The following MMP9 variants were observed in gnomAD, a reference collection of about 807,000 sequenced individuals.
The protein encoded by MMP9 is matrix metallopeptidase 9.
MMP9 carries 73 observed loss-of-function variants against 76.4 expected under a neutral mutation model. The observed-to-expected ratio is 0.96, with a 90% CI of 0.79 to 1.16. The LOEUF is 1.16. Ranked by LOEUF, MMP9 falls within the 50% of genes most tolerant of loss-of-function variation. The probability of loss-of-function intolerance (pLI) is 0.00; values close to 1 mark genes in which losing one functional copy is unlikely to be tolerated. For missense variants in MMP9, 943 were observed against 973.0 expected, an observed-to-expected ratio of 0.97 and a Z score of 0.41; for synonymous variants, 412 against 408.4, an observed-to-expected ratio of 1.01 and a Z score of -0.11.
At chr20:46,009,310 G>T (rs1373814435) in intron 1 of MMP9, among the ~76,000 whole-genome samples, 2 of 152,060 alleles carry the variant, frequency 1.3e-5, no homozygotes, top group African/African-American at 4.8e-5. Context: ...GGGTGGGGGA[G>T]GCATTGGAGG....
chr20:46,016,306 T>A lies in MMP9; in HGVS notation c.2062T>A (p.Leu688Met). ...CTGGCGCGTGAGTTCCCGGAGTGAG[T>A]TGAACCAGGTGGACCAAGTGGGCTA... Reference protein sequence around the residue: ...FYWRVSSRSELNQVDQVGYVT... With the variant: ...FYWRVSSRSEMNQVDQVGYVT... The change falls in exon 13 of 13, where the codon TTG (leucine) becomes ATG (methionine). Residue 688 changes from leucine to methionine, a missense_variant. Leu to Met is a conservative substitution (Grantham distance 15, BLOSUM62 2). Coordinates refer to ENST00000372330, the MANE Select transcript of MMP9 (RefSeq NM_004994.3). The A allele has an allele frequency of 6.2e-7, 1 of 1,614,180 alleles. No homozygotes were observed. Among genetic ancestry groups the A allele is most frequent in the Non-Finnish European group, 8.5e-7 (1 of 1,180,026 alleles).
At position 46,010,333 on chromosome 20, in the gene MMP9, A is replaced by AAAAAAACAAAAAAAAAAAAC. The variant is rs2084270160; in HGVS notation, c.372-144_372-143insCAAAAAAAAAAAACAAAAAA. Reference sequence around the variant, plus strand: ...GGGTCTAAGTAGACAAAAAAAAAAAAAAAAAAAACAGTCTGGAAGCAATTT... The same window carrying AAAAAAACAAAAAAAAAAAAC: ...GGGTCTAAGTAGACAAAAAAAAAAAAAAAAAACAAAAAAAAAAAACAAAAAAAACAGTCTGGAAGCAATTT... On this transcript the variant is annotated intron_variant, in intron 2 of 12. Transcript: ENST00000372330. 12 of 828,816 alleles carry AAAAAAACAAAAAAAAAAAAC rather than the reference A, an allele frequency of 1.4e-5. No homozygotes were observed. The African/African-American group carries it at 2.6e-4, about 18-fold the overall frequency. The allele number at this position is 828,816 out of a possible 1,614,324, so 51.3% of individuals were successfully genotyped here. A position where few individuals can be genotyped will look rare whatever the true frequency, so the allele number is the denominator to read the frequency against.
intron 10 of MMP9, 109 bp from the exon 11 acceptor site, chr20:46,014,015 C>A: frequency 6.7e-7 from 1 of 1,497,770 alleles, no homozygotes; most frequent in Non-Finnish European, 8.9e-7. Flanking sequence ...GTTGCAGGGA[C>A]TGCGGGCACG....
Position 46,013,558 on chromosome 20 carries a change from T to G in MMP9, c.1610+24T>G. On this transcript the variant is annotated intron_variant, in intron 9 of 12. Coordinates refer to ENST00000372330, the MANE Select transcript of MMP9 (RefSeq NM_004994.3). The surrounding 1 kb of genome is among the most constrained non-coding windows in gnomAD (Gnocchi z 4.5). ...GGGTGAGGAGGCGGGGTTGTGTGGA[T>G]GCGGGAGGGGGCTTTGCGGAGGGGC... 1 of 1,612,648 alleles carries G rather than the reference T, an allele frequency of 6.2e-7. No individual in the cohort carries two copies.
rs1005026375 is a variant in MMP9, at chr20:46,010,441, C to T, written c.372-42C>T. 4 of 1,612,282 alleles carry T rather than the reference C, an allele frequency of 2.5e-6. No individual in the cohort carries two copies. In the South Asian group the frequency reaches 4.4e-5, roughly 18 times the overall value. On this transcript the variant is annotated intron_variant, in intron 2 of 12. Coordinates refer to ENST00000372330, the MANE Select transcript of MMP9 (RefSeq NM_004994.3). Reference sequence around the variant, plus strand: ...GGGTGTCCCTGCTGCCCCGCTCCAGCCTTTCACTTCTGACCTCCTTCCTCT... The same window carrying T: ...GGGTGTCCCTGCTGCCCCGCTCCAGTCTTTCACTTCTGACCTCCTTCCTCT...
intron 12 of MMP9, 53 bp downstream of exon 12, chr20:46,014,527 TGA>T: frequency 1.3e-6 from 2 of 1,496,386 alleles, no homozygotes; most frequent in Non-Finnish European, 1.8e-6. Context: ...CTCCTCTTAG[TGA>T]GTGGTCAAAT....
chr20:46,015,816 T>C lies in MMP9; in HGVS notation c.2006-434T>C, dbSNP rs567336880. ...TTTGCTTAATTGTCTCTTGCCTCAC[T>C]AGAGTGTAAGCACCAAGATAATTGA... On this transcript the variant is annotated intron_variant, in intron 12 of 12. Coordinates refer to ENST00000372330, the MANE Select transcript of MMP9 (RefSeq NM_004994.3). Among the ~76,000 whole-genome samples the C allele has an allele frequency of 3.3e-5, 5 of 152,344 alleles. No homozygotes were observed. The East Asian group carries it at 7.7e-4, about 23-fold the overall frequency.
chr20:46,010,195 G>C, intron 2 of MMP9, 97 bp downstream of exon 2: 1 of 1,165,286 alleles, frequency 8.6e-7, no homozygotes, highest in South Asian at 1.5e-5. Flanking sequence ...CGCGTCCCTG[G>C]GTTTCACTAT....
intron 10 of MMP9, 56 bp from the exon 11 acceptor site, chr20:46,014,068 T>C: frequency 6.5e-7 from 1 of 1,532,548 alleles, no homozygotes; most frequent in South Asian, 1.2e-5. Flanking sequence ...CCTCGCGTTC[T>C]AGGAGTACGT....
rs1218946141 is a variant in MMP9 at position 46,013,744 on chromosome 20, G to A, written c.1698G>A (p.Lys566=). The change falls in exon 10 of 13, where the codon AAG becomes AAA. Residue 566 remains lysine, a synonymous_variant. Transcript: ENST00000372330. This position sits in a 1 kb window ranked among gnomAD's most constrained non-coding sequence, Gnocchi z 4.5. ...ACAAGTGGCCCGCGCTGCCCCGCAA[G>A]CTGGACTCGGTCTTTGAGGAGCGGC... ...IADKWPALPR[K]LDSVFEERLS... The A allele has an allele frequency of 1.9e-6, 3 of 1,613,726 alleles. No homozygotes were observed. Among genetic ancestry groups the A allele is most frequent in the South Asian group, 2.2e-5 (2 of 91,048 alleles).
intron 6 of MMP9, 63 bp downstream of exon 6, chr20:46,011,810 G>A (rs763004587): frequency 1.7e-5 from 26 of 1,546,930 alleles, no homozygotes; most frequent in Non-Finnish European, 2.1e-5. Context: ...CCCCCAAAAC[G>A]CGGCTCTTCC....
rs199676062 is a variant in MMP9, at chr20:46,010,940, C to T, written c.539C>T (p.Pro180Leu). The change falls in exon 4 of 13, where the codon CCC becomes CTC. Residue 180 changes from proline (P) to leucine (L), a missense_variant. By Grantham distance (98) the Pro-to-Leu change is moderately conservative. Transcript: ENST00000372330. ...FGVAEHGDGYPFDGKDGLLAH... is the reference protein window; with the variant it reads ...FGVAEHGDGYLFDGKDGLLAH... ...TCTTCAGAGCACGGAGACGGGTATC[C>T]CTTCGACGGGAAGGACGGGCTCCTG... 8 of 1,614,128 alleles carry T rather than the reference C, an allele frequency of 5.0e-6. No individual in the cohort carries two copies. The South Asian group carries it at 6.6e-5, about 13-fold the overall frequency.
intron 12 of MMP9, among the ~76,000 whole-genome samples, chr20:46,014,948 G>A (rs2145457396): frequency 6.6e-6 from 1 of 152,298 alleles, no homozygotes; most frequent in East Asian, 1.9e-4. Flanking sequence ...CAGTTGACAA[G>A]GTGAACAAGA....
chr20:46,010,333 A>AAAAAAAAAAAAC (rs796972949), intron 2 of MMP9, 150 bp from the exon 3 acceptor site: 3 of 828,812 alleles, frequency 3.6e-6, no homozygotes, highest in African/African-American at 4.3e-5. Flanking sequence ...AAAAAAAAAA[A>AAAAAAAAAAAAC]AAAAAAAACA....
At position 46,013,255 on chromosome 20, in the gene MMP9, G is replaced by A; in HGVS notation, c.1331G>A (p.Gly444Asp). Residue 444 changes from glycine (G) to aspartate (D), a missense_variant and splice_region_variant, in exon 9 of 13, where the codon GGT (glycine) becomes GAT (aspartate). By Grantham distance (94) the Gly-to-Asp change is moderately conservative (BLOSUM62 -1). Transcript: ENST00000372330. This position sits in a 1 kb window ranked among gnomAD's most constrained non-coding sequence, Gnocchi z 4.5. Reference protein sequence around the residue: ...DDVNGIRHLYGPRPEPEPRPP... With the variant: ...DDVNGIRHLYDPRPEPEPRPP... ...AGTCTCACCCCGTGTCTCTTTTTAGGTCCTCGCCCTGAACCTGAGCCACGG... is the reference window on the plus strand; with the variant it reads ...AGTCTCACCCCGTGTCTCTTTTTAGATCCTCGCCCTGAACCTGAGCCACGG... 6.2e-7 allele frequency: 1 copy of A among 1,613,944 alleles called. No individual in the cohort carries two copies. Among genetic ancestry groups the A allele is most frequent in the Non-Finnish European group, 8.5e-7 (1 of 1,179,960 alleles).
intron 2 of MMP9, 140 bp downstream of exon 2, chr20:46,010,238 T>A: frequency 1.1e-6 from 1 of 880,060 alleles, no homozygotes; most frequent in Admixed American, 2.7e-5. Flanking sequence ...TGTCCCCACC[T>A]CTGAGCCTCT....
At chr20:46,010,343 A>AAAAAAAAAAAAGT in intron 2 of MMP9, 140 bp from the exon 3 acceptor site, 2 of 926,568 alleles carry the variant, frequency 2.2e-6, no homozygotes, top group Non-Finnish European at 1.6e-6. Context: ...AAAAAAAAAC[A>AAAAAAAAAAAAGT]GTCTGGAAGC....
At position 46,010,474 on chromosome 20, in the gene MMP9, A is replaced by C. The variant is rs762648476; in HGVS notation, c.372-9A>C. Reference sequence around the variant, plus strand: ...TTCTGACCTCCTTCCTCTGGCTCTTACGCTACAGGATCCAAAACTACTCGG... The same window carrying C: ...TTCTGACCTCCTTCCTCTGGCTCTTCCGCTACAGGATCCAAAACTACTCGG... On this transcript the variant is annotated splice_polypyrimidine_tract_variant and intron_variant, in intron 2 of 12. Transcript: ENST00000372330. The C allele has an allele frequency of 6.2e-7, 1 of 1,613,720 alleles. No homozygotes were observed. The highest frequency in any genetic ancestry group is 8.5e-7 in the Non-Finnish European group (1 of 1,179,982).
In MMP9 at chr20:46,013,152, G is replaced by T; in HGVS notation, c.1331-103G>T. On this transcript the variant is annotated intron_variant, in intron 8 of 12. Transcript: ENST00000372330. The surrounding 1 kb of genome is among the most constrained non-coding windows in gnomAD (Gnocchi z 4.5). ...AGGGAGGCTGAGTGAGGAGGGGCCT[G>T]TGTGCCAGAGGAGGCTTCACTGAGA... The T allele has an allele frequency of 7.3e-7, 1 of 1,366,204 alleles. No homozygotes were observed. Among genetic ancestry groups the T allele is most frequent in the Non-Finnish European group, 1.0e-6 (1 of 957,408 alleles). The allele number at this position is 1,366,204 out of a possible 1,614,324, so 84.6% of individuals were successfully genotyped here.
Sources: gnomAD v4.1 joint callset for allele counts (sites outside exome capture counted in the v4.1 genomes callset) on GRCh38, gnomAD v4.1.1 for gene constraint, Gnocchi (gnomAD v3.1) non-coding constraint, MANE v1.5 for transcripts, NCBI Gene and HGNC (gene_info 2026-07-23, HGNC 2026-07-21) for gene names.